Variants in RCAN2 observed in about 807,000 individuals in gnomAD.
The protein encoded by RCAN2 is calcipressin-2.
Under a neutral mutation model 23.6 loss-of-function variants are expected in RCAN2, and 9 were observed. The observed-to-expected ratio is 0.38, with a 90% CI of 0.23 to 0.67. The LOEUF is 0.67. Among genes scored for constraint, RCAN2 ranks in the 30% least tolerant of loss-of-function variants. The pLI is 0.51. For synonymous variants in RCAN2, 109 were observed against 115.7 expected, an observed-to-expected ratio of 0.94 and a Z score of 0.37; for missense variants, 273 against 302.3, an observed-to-expected ratio of 0.90 and a Z score of 0.72.
intron 2 of RCAN2, among the ~76,000 whole-genome samples, chr6:46,306,891 T>C (rs1763088340): frequency 6.6e-6 from 1 of 152,112 alleles, no homozygotes; most frequent in Admixed American, 6.6e-5. Flanking sequence ...ACTATATAAC[T>C]TATCATTTTA....
At chr6:46,438,110 T>C (rs2150420689) in intron 2 of RCAN2, among the ~76,000 whole-genome samples, 1 of 152,148 alleles carries the variant, frequency 6.6e-6, no homozygotes, top group South Asian at 2.1e-4. Flanking sequence ...AGTCATCCTT[T>C]CAAAAAAGGC....
intron 2 of RCAN2, among the ~76,000 whole-genome samples, chr6:46,342,215 C>G (rs1033075096): frequency 2.6e-5 from 4 of 152,094 alleles, no homozygotes; most frequent in African/African-American, 9.7e-5. Flanking sequence ...AGTCAACCAG[C>G]CCTGGAATAG....
At chr6:46,383,825 G>A (rs1414119193) in intron 2 of RCAN2, among the ~76,000 whole-genome samples, 1 of 152,094 alleles carries the variant, frequency 6.6e-6, no homozygotes, top group Non-Finnish European at 1.5e-5. Context: ...TATCTCAAAT[G>A]CTAAGTATTA....
chr6:46,440,388 C>G (rs1191771072), intron 2 of RCAN2, among the ~76,000 whole-genome samples: 1 of 148,740 alleles, frequency 6.7e-6, no homozygotes, highest in Non-Finnish European at 1.5e-5. Context: ...CCATATGAGT[C>G]ACGGCAAAAA....
At chr6:46,250,398 C>T (rs1766669613) in intron 2 of RCAN2, among the ~76,000 whole-genome samples, 1 of 152,098 alleles carries the variant, frequency 6.6e-6, no homozygotes, top group South Asian at 2.1e-4. Flanking sequence ...TACAACCAAC[C>T]TGATTCTTTT....
At chr6:46,307,068 C>G (rs911411450) in intron 2 of RCAN2, among the ~76,000 whole-genome samples, 1 of 152,062 alleles carries the variant, frequency 6.6e-6, no homozygotes, top group Non-Finnish European at 1.5e-5. Context: ...GTTTCTAAAA[C>G]CCATGCAGAA....
chr6:46,269,352 C>G (rs970580682), intron 2 of RCAN2, among the ~76,000 whole-genome samples: 107 of 152,358 alleles, frequency 7.0e-4, no homozygotes, highest in African/African-American at 2.5e-3. Context: ...TTTGCCAGCA[C>G]AGGGACGCTT....
chr6:46,315,217 C>T (rs1432519942), intron 2 of RCAN2, among the ~76,000 whole-genome samples: 1 of 152,210 alleles, frequency 6.6e-6, no homozygotes, highest in African/African-American at 2.4e-5. Flanking sequence ...TGTAAACACA[C>T]ATTTTCTCCA....
rs3823240 is a variant in RCAN2, at chr6:46,222,560, G to A, written c.*581C>T. On this transcript the variant is annotated 3_prime_UTR_variant, in exon 5 of 5. Transcript: ENST00000371374. ...GAATATACCCAGACTTGTTGAGCTG[G>A]AATATTCTGATCATTTTCCTAATCT... The A allele has an allele frequency of 0.17, 26,008 of 153,194 alleles. 2,361 individuals are homozygous for A. Among genetic ancestry groups the A allele is most frequent in the Middle Eastern group, 0.3 (88 of 294 alleles). 9.5% of individuals were successfully genotyped at this position (153,194 alleles called of 1,614,324 possible). A position where few individuals can be genotyped will look rare whatever the true frequency, so the allele number is the denominator to read the frequency against.
chr6:46,454,480 T>C (rs1357743342), intron 2 of RCAN2, among the ~76,000 whole-genome samples: 1 of 152,120 alleles, frequency 6.6e-6, no homozygotes, highest in Non-Finnish European at 1.5e-5. Context: ...TAAGTCAAAA[T>C]TAAATCCATG....
chr6:46,287,042 A>T (rs1383059871), intron 2 of RCAN2, among the ~76,000 whole-genome samples: 2 of 152,000 alleles, frequency 1.3e-5, no homozygotes. Context: ...TTCAATACCC[A>T]ACCAGGCAAA....
intron 2 of RCAN2, among the ~76,000 whole-genome samples, chr6:46,282,393 A>C (rs1762218509): frequency 6.6e-6 from 1 of 151,428 alleles, no homozygotes; most frequent in South Asian, 2.1e-4. Flanking sequence ...AAAAAAAAAA[A>C]CAAAAAATTA....
chr6:46,335,370 T>C (rs1293106193), intron 2 of RCAN2, among the ~76,000 whole-genome samples: 5 of 152,194 alleles, frequency 3.3e-5, no homozygotes, highest in Non-Finnish European at 5.9e-5. Flanking sequence ...ATGCTAGCAT[T>C]ATCCCAACCA....
intron 2 of RCAN2, among the ~76,000 whole-genome samples, chr6:46,346,765 T>G (rs1329720138): frequency 6.6e-6 from 1 of 152,042 alleles, no homozygotes; most frequent in Non-Finnish European, 1.5e-5. Context: ...GGTTTTCTTC[T>G]TTTCTTTTGT....
chr6:46,338,486 T>C (rs1272002153), intron 2 of RCAN2, among the ~76,000 whole-genome samples: 2 of 152,184 alleles, frequency 1.3e-5, no homozygotes, highest in East Asian at 3.9e-4. Context: ...TCATGGCCTC[T>C]TTGTGGCATG....
intron 1 of RCAN2, among the ~76,000 whole-genome samples, chr6:46,487,006 T>C (rs1769010012): frequency 6.6e-6 from 1 of 152,146 alleles, no homozygotes; most frequent in Non-Finnish European, 1.5e-5. Flanking sequence ...TGGTAACAAG[T>C]GAAAAGACAC....
intron 2 of RCAN2, among the ~76,000 whole-genome samples, chr6:46,424,833 T>C (rs1229523102): frequency 2.0e-5 from 3 of 152,160 alleles, no homozygotes; most frequent in Admixed American, 6.6e-5. Flanking sequence ...CAGTTAAATA[T>C]TTCAATGTCT....
intron 2 of RCAN2, among the ~76,000 whole-genome samples, chr6:46,333,616 T>C (rs905569633): frequency 1.3e-5 from 2 of 152,194 alleles, no homozygotes; most frequent in African/African-American, 4.8e-5. Flanking sequence ...TGTACTATTT[T>C]TCTTCCCCAC....
chr6:46,444,337 A>T (rs1767638595), intron 2 of RCAN2, among the ~76,000 whole-genome samples: 1 of 152,190 alleles, frequency 6.6e-6, no homozygotes, highest in Non-Finnish European at 1.5e-5. Flanking sequence ...AAGGCTTTAA[A>T]CTATAGATAC....
Sources: gnomAD v4.1 joint callset for allele counts (sites outside exome capture counted in the v4.1 genomes callset) on GRCh38, gnomAD v4.1.1 for gene constraint, MANE v1.5 for transcripts, NCBI Gene and HGNC (gene_info 2026-07-23, HGNC 2026-07-21) for gene names.